Variants in ASB13 observed in about 807,000 individuals in gnomAD.
ASB13 encodes the protein ankyrin repeat and SOCS box containing 13.
ASB13 carries 33 observed loss-of-function variants against 28.8 expected under a neutral mutation model. The observed-to-expected ratio is 1.15, with a 90% CI of 0.87 to 1.53. The LOEUF (loss-of-function observed/expected upper bound fraction) is 1.53. Among genes scored for constraint, ASB13 ranks in the 40% most tolerant of loss-of-function variants. The probability of loss-of-function intolerance (pLI) is 0.00; values close to 1 mark genes in which losing one functional copy is unlikely to be tolerated. For synonymous variants in ASB13, 182 were observed against 172.9 expected (o/e 1.05, Z -0.41); for missense variants, 414 against 390.1 (o/e 1.06, Z -0.52).
At chr10:5,640,912 A>C in intron 5 of ASB13, 82 bp from the exon 6 acceptor site, 1 of 1,540,256 alleles carries the variant, frequency 6.5e-7, no homozygotes, top group Non-Finnish European at 8.8e-7. Flanking sequence ...ACTCAGAGGG[A>C]ATCGGAAACG....
Position 5,649,861 on chromosome 10 carries a change from G to T in ASB13, c.383-757C>A, listed in dbSNP as rs1171134320. The stretch of plus-strand genomic sequence containing the variant: ...CCTCTTAAGTGGCTCCTCTTCCTGG[G>T]TCTGTAATGCGGATTTGGAGCGGGG... On this transcript the variant is annotated intron_variant, in intron 3 of 5. Coordinates refer to ENST00000357700, the MANE Select transcript of ASB13 (RefSeq NM_024701.4). This position sits in a 1 kb window ranked among gnomAD's most constrained non-coding sequence, Gnocchi z 6.4. Among the ~76,000 whole-genome samples the T allele has an allele frequency of 6.6e-6, 1 of 152,096 alleles. No homozygotes were observed. The highest frequency in any genetic ancestry group is 1.9e-4 in the East Asian group (1 of 5,192).
At position 5,640,472 on chromosome 10, in the gene ASB13, A is replaced by C; in HGVS notation, c.*231T>G. On this transcript the variant is annotated 3_prime_UTR_variant, in exon 6 of 6. Transcript: ENST00000357700. ...CCCATTGAGAGGGTAGGTTCTGTAG[A>C]ACAGCGCAGGGCCACACCCACAACT... The C allele has an allele frequency of 1.9e-6, 1 of 519,394 alleles. No homozygotes were observed. 32.2% of individuals were successfully genotyped at this position (519,394 alleles called of 1,614,324 possible).
chr10:5,658,015 G>A lies in ASB13; in HGVS notation c.44-4965C>T, dbSNP rs1835099384. Among the ~76,000 whole-genome samples, 2 of 152,100 alleles carry A rather than the reference G, an allele frequency of 1.3e-5. No individual in the cohort carries two copies. Among genetic ancestry groups the A allele is most frequent in the African/African-American group, 4.8e-5 (2 of 41,392 alleles). ...ATACAAAAATTAGCCAGGCATGGTG[G>A]CTGTAATCCATGGTGCTTCAGTAGT... On this transcript the variant is annotated intron_variant, in intron 1 of 5. Transcript: ENST00000357700. The surrounding 1 kb of genome is among the most constrained non-coding windows in gnomAD (Gnocchi z 4.2).
In ASB13 at chr10:5,652,832, G is replaced by C. The variant is rs747044419; in HGVS notation, c.231+31C>G. 8.7e-6 allele frequency: 13 copies of C among 1,493,162 alleles called. No homozygotes were observed. In the South Asian group the frequency reaches 1.5e-4, roughly 18 times the overall value. 92.5% of individuals were successfully genotyped at this position (1,493,162 alleles called of 1,614,324 possible). ...TCCTCCATTCTGGCAGCTGCAGCCA[G>C]TCTGGGGGTCTGCCCTGAAGGGCCA... On this transcript the variant is annotated intron_variant, in intron 2 of 5. Coordinates refer to ENST00000357700, the MANE Select transcript of ASB13 (RefSeq NM_024701.4). The surrounding 1 kb of genome is among the most constrained non-coding windows in gnomAD (Gnocchi z 5.0).
chr10:5,646,836 G>T (rs1588509368), intron 4 of ASB13, among the ~76,000 whole-genome samples: 2 of 152,256 alleles, frequency 1.3e-5, no homozygotes, highest in East Asian at 3.9e-4. Context: ...GCTCATAAAG[G>T]CTTGATATGA....
At position 5,645,597 on chromosome 10, in the gene ASB13, C is replaced by T. The variant is rs146835234; in HGVS notation, c.517+3373G>A. 2.4e-3 allele frequency among the ~76,000 whole-genome samples: 363 copies of T among 152,300 alleles called. 3 individuals carry two copies. The highest frequency in any genetic ancestry group is 7.7e-3 in the African/African-American group (321 of 41,564). On this transcript the variant is annotated intron_variant, in intron 4 of 5. Coordinates refer to ENST00000357700, the MANE Select transcript of ASB13 (RefSeq NM_024701.4). This position sits in a 1 kb window ranked among gnomAD's most constrained non-coding sequence, Gnocchi z 5.4. ...TCTGCCTCACAGCTCAGCTCTCAAACCGCACATGAAAGCACCTGCACTCAT... is the reference window on the plus strand; with the variant it reads ...TCTGCCTCACAGCTCAGCTCTCAAATCGCACATGAAAGCACCTGCACTCAT...
At chr10:5,666,476 C>G in intron 1 of ASB13, 33 bp downstream of exon 1, 1 of 1,291,694 alleles carries the variant, frequency 7.7e-7, no homozygotes, top group Non-Finnish European at 9.8e-7. Flanking sequence ...GGCGCCGCTG[C>G]CTCGCTCTGA....
In ASB13 at chr10:5,650,227, G is replaced by A. The variant is rs1023301799; in HGVS notation, c.382+986C>T. Among the ~76,000 whole-genome samples, 3 of 152,128 alleles carry A rather than the reference G, an allele frequency of 2.0e-5. No individual in the cohort carries two copies. The highest frequency in any genetic ancestry group is 2.9e-5 in the Non-Finnish European group (2 of 68,020). On this transcript the variant is annotated intron_variant, in intron 3 of 5. Transcript: ENST00000357700. The surrounding 1 kb of genome is among the most constrained non-coding windows in gnomAD (Gnocchi z 6.0). ...GAGCACTGGGCACCTTGATCTCAGC[G>A]ATGGTCCCCAACTCATCCCTCTGCT...
At chr10:5,654,420 T>G (rs1835040570) in intron 1 of ASB13, among the ~76,000 whole-genome samples, 1 of 152,190 alleles carries the variant, frequency 6.6e-6, no homozygotes, top group Non-Finnish European at 1.5e-5. Context: ...GACTGGAACC[T>G]GGAGGACGAG....
Position 5,656,232 on chromosome 10 carries a change from A to G in ASB13, c.44-3182T>C, listed in dbSNP as rs1361233093. On this transcript the variant is annotated intron_variant, in intron 1 of 5. Coordinates refer to ENST00000357700, the MANE Select transcript of ASB13 (RefSeq NM_024701.4). This position sits in a 1 kb window ranked among gnomAD's most constrained non-coding sequence, Gnocchi z 4.3. ...AGTGGATGAGTAAATGAATGGAAGG[A>G]GTTACTAAAACCAATTATAAAGTCT... Among the ~76,000 whole-genome samples the G allele has an allele frequency of 6.6e-6, 1 of 152,142 alleles. No homozygotes were observed.
chr10:5,658,598 TCA>T lies in ASB13; in HGVS notation c.44-5550_44-5549del, dbSNP rs1835109275. Among the ~76,000 whole-genome samples, 1 of 152,092 alleles carries T rather than the reference TCA, an allele frequency of 6.6e-6. No individual in the cohort carries two copies. Among genetic ancestry groups the T allele is most frequent in the Non-Finnish European group, 1.5e-5 (1 of 68,018 alleles). ...GTTAGTGTTTCATGGGGACAGAATT[TCA>T]GTTTTACAGGATGAAAAAGTTCTAG... On this transcript the variant is annotated intron_variant, in intron 1 of 5. Coordinates refer to ENST00000357700, the MANE Select transcript of ASB13 (RefSeq NM_024701.4). The surrounding 1 kb of genome is among the most constrained non-coding windows in gnomAD (Gnocchi z 4.2).
At chr10:5,654,321 G>A (rs1377341806) in intron 1 of ASB13, among the ~76,000 whole-genome samples, 3 of 151,894 alleles carry the variant, frequency 2.0e-5, no homozygotes, top group African/African-American at 2.4e-5. Context: ...TCCTTCCCTG[G>A]ATACTGCCTG....
Position 5,650,913 on chromosome 10 carries a change from G to A in ASB13, c.382+300C>T, listed in dbSNP as rs1182984098. On this transcript the variant is annotated intron_variant, in intron 3 of 5. Coordinates refer to ENST00000357700, the MANE Select transcript of ASB13 (RefSeq NM_024701.4). The surrounding 1 kb of genome is among the most constrained non-coding windows in gnomAD (Gnocchi z 6.0). ...GAGCAAACTGTAGCAAAGCCCAAGT[G>A]AGCCTCTGCAGAGTCCCCCAGGCCC... Among the ~76,000 whole-genome samples, 1 of 152,208 alleles carries A rather than the reference G, an allele frequency of 6.6e-6. No homozygotes were observed. Among genetic ancestry groups the A allele is most frequent in the East Asian group, 1.9e-4 (1 of 5,190 alleles).
rs558395327 is a variant in ASB13 at position 5,652,686 on chromosome 10, G to A, written c.231+177C>T. 6.6e-6 allele frequency among the ~76,000 whole-genome samples: 1 copy of A among 152,270 alleles called. No individual in the cohort carries two copies. The highest frequency in any genetic ancestry group is 2.4e-5 in the African/African-American group (1 of 41,548). ...TCAGGCTGCCCTTTCTTCCACCACC[G>A]TGACCTCCTAACAGCCAGGTCCACG... On this transcript the variant is annotated intron_variant, in intron 2 of 5. Coordinates refer to ENST00000357700, the MANE Select transcript of ASB13 (RefSeq NM_024701.4). The surrounding 1 kb of genome is among the most constrained non-coding windows in gnomAD (Gnocchi z 5.0).
intron 1 of ASB13, among the ~76,000 whole-genome samples, chr10:5,662,766 A>T (rs903493822): frequency 3.3e-5 from 5 of 152,146 alleles, no homozygotes; most frequent in African/African-American, 1.2e-4. Context: ...CACAAAGACA[A>T]AGAGACCACA....
intron 4 of ASB13, among the ~76,000 whole-genome samples, chr10:5,647,505 T>C (rs992399199): frequency 2.0e-5 from 3 of 152,166 alleles, no homozygotes; most frequent in Non-Finnish European, 4.4e-5. Flanking sequence ...CACCCGACAA[T>C]GGCCTGGATT....
At position 5,640,463 on chromosome 10, in the gene ASB13, G is replaced by A. The variant is rs148657220; in HGVS notation, c.*240C>T. The A allele has an allele frequency of 4.4e-4, 215 of 486,862 alleles. No homozygotes were observed. Among genetic ancestry groups the A allele is most frequent in the African/African-American group, 3.8e-3 (197 of 51,364 alleles). 30.2% of individuals were successfully genotyped at this position (486,862 alleles called of 1,614,324 possible). ...GGGCCCATGCCCATTGAGAGGGTAG[G>A]TTCTGTAGAACAGCGCAGGGCCACA... On this transcript the variant is annotated 3_prime_UTR_variant, in exon 6 of 6. Coordinates refer to ENST00000357700, the MANE Select transcript of ASB13 (RefSeq NM_024701.4).
chr10:5,640,586 C>T lies in ASB13; in HGVS notation c.*117G>A, dbSNP rs1834792300. ...CTAAACAGGATCGCAGGAAGGGACT[C>T]GAAGGAGCGTTGTTCTATCTACAGC... On this transcript the variant is annotated 3_prime_UTR_variant, in exon 6 of 6. Transcript: ENST00000357700. The T allele has an allele frequency of 4.5e-6, 6 of 1,329,686 alleles. No homozygotes were observed. In the Admixed American group the frequency reaches 7.8e-5, roughly 17 times the overall value. The allele number at this position is 1,329,686 out of a possible 1,614,324, so 82.4% of individuals were successfully genotyped here.
At position 5,649,312 on chromosome 10, in the gene ASB13, G is replaced by A. The variant is rs1296795744; in HGVS notation, c.383-208C>T. On this transcript the variant is annotated intron_variant, in intron 3 of 5. Coordinates refer to ENST00000357700, the MANE Select transcript of ASB13 (RefSeq NM_024701.4). This position sits in a 1 kb window ranked among gnomAD's most constrained non-coding sequence, Gnocchi z 6.4. ...GCTCTGCGCCCCGCTGAGGACGGAG[G>A]GCTCAAGGCAGTGGGAGAAACGGGC... is the stretch of plus-strand genomic sequence containing the variant. 2.0e-5 allele frequency among the ~76,000 whole-genome samples: 3 copies of A among 152,194 alleles called. No homozygotes were observed. Among genetic ancestry groups the A allele is most frequent in the East Asian group, 3.9e-4 (2 of 5,182 alleles).
Sources: gnomAD v4.1 joint callset for allele counts (sites outside exome capture counted in the v4.1 genomes callset) on GRCh38, gnomAD v4.1.1 for gene constraint, Gnocchi (gnomAD v3.1) non-coding constraint, MANE v1.5 for transcripts, NCBI Gene and HGNC (gene_info 2026-07-23, HGNC 2026-07-21) for gene names.